VPS53: variants seen among roughly 807,000 people sequenced by gnomAD.
VPS53 encodes VPS53 subunit of GARP complex.
VPS53 carries 70 observed loss-of-function variants against 107.0 expected under a neutral mutation model. That is an observed-to-expected ratio of 0.65 (90% confidence interval 0.54 to 0.80). VPS53 has a LOEUF of 0.80. Among genes scored for constraint, VPS53 ranks in the 30% least tolerant of loss-of-function variants. The probability of loss-of-function intolerance (pLI) is 0.00; values close to 1 mark genes in which losing one functional copy is unlikely to be tolerated. For synonymous variants in VPS53, 409 were observed against 393.3 expected (o/e 1.04, Z -0.47); for missense variants, 917 against 1,049.4 (o/e 0.87, Z 1.74).
rs1353081336 is a variant in VPS53 at position 515,601 on chromosome 17, T to G, written c.*3527A>C. On this transcript the variant is annotated 3_prime_UTR_variant, in exon 22 of 22. Transcript: ENST00000437048. ...CTTGAAGTCCTGGGCTCAAGCAATC[T>G]TCCCACCTCAGCCTCTCAAAGCACT... is the stretch of plus-strand genomic sequence containing the variant. 6.6e-6 allele frequency: 1 copy of G among 152,150 alleles called. No individual in the cohort carries two copies. Among genetic ancestry groups the G allele is most frequent in the East Asian group, 1.9e-4 (1 of 5,178 alleles). The allele number at this position is 152,150 out of a possible 1,614,324, so 9.4% of individuals were successfully genotyped here.
chr17:570,856 G>C (rs973794251), intron 13 of VPS53, among the ~76,000 whole-genome samples: 2 of 152,120 alleles, frequency 1.3e-5, no homozygotes, highest in Non-Finnish European at 2.9e-5. Flanking sequence ...GCTGTACTGT[G>C]GTTATGTGAG....
At position 509,583 on chromosome 17, in the gene VPS53, T is replaced by A. The variant is rs1220580886; in HGVS notation, c.*9545A>T. On this transcript the variant is annotated 3_prime_UTR_variant, in exon 22 of 22. Transcript: ENST00000437048. ...CCTGGCTCACTCCTCACTACTCACA[T>A]ATCGAATCCTGGCTCACCCCTCACT... 1 of 163,828 alleles carries A rather than the reference T, an allele frequency of 6.1e-6. No homozygotes were observed. Among genetic ancestry groups the A allele is most frequent in the Non-Finnish European group, 1.3e-5 (1 of 76,614 alleles). The allele number at this position is 163,828 out of a possible 1,614,324, so 10.1% of individuals were successfully genotyped here. A position where few individuals can be genotyped will look rare whatever the true frequency, so the allele number is the denominator to read the frequency against.
At chr17:526,225 G>GAA (rs11417356) in intron 19 of VPS53, among the ~76,000 whole-genome samples, 2 of 148,746 alleles carry the variant, frequency 1.3e-5, no homozygotes, top group African/African-American at 4.9e-5. Flanking sequence ...TTGTTGGTAG[G>GAA]AAAAAAAAAA....
chr17:545,529 T>A (rs564137021), intron 17 of VPS53, among the ~76,000 whole-genome samples: 29 of 152,330 alleles, frequency 1.9e-4, no homozygotes, highest in African/African-American at 6.7e-4. Flanking sequence ...CTACTCTACA[T>A]CTACCAGCTC....
chr17:607,637 T>A (rs1220130995), intron 11 of VPS53, among the ~76,000 whole-genome samples: 1 of 152,192 alleles, frequency 6.6e-6, no homozygotes, highest in Non-Finnish European at 1.5e-5. Context: ...TCAAAGGACA[T>A]ATTTCATGAA....
At chr17:523,011 G>A (rs374790231) in intron 19 of VPS53, 1 of 152,194 alleles carries the variant, frequency 6.6e-6, no homozygotes, top group Non-Finnish European at 1.5e-5. Flanking sequence ...AACGGGGTTA[G>A]AGAAAAGGTG....
At chr17:689,345 T>C (rs1025378155) in intron 4 of VPS53, among the ~76,000 whole-genome samples, 1 of 152,120 alleles carries the variant, frequency 6.6e-6, no homozygotes, top group African/African-American at 2.4e-5. Context: ...GTCCCCAGGC[T>C]GCAGTGTAGA....
intron 17 of VPS53, among the ~76,000 whole-genome samples, chr17:543,809 A>AGGGAGGGAGGGAGGGAGGG (rs1910896828): frequency 1.7e-5 from 1 of 58,994 alleles, no homozygotes; most frequent in Non-Finnish European, 2.9e-5. Flanking sequence ...GGAAGGAAGG[A>AGGGAGGGAGGGAGGGAGGG]AGGAAGGGAG....
intron 10 of VPS53, among the ~76,000 whole-genome samples, chr17:626,959 T>C (rs1969738289): frequency 6.6e-6 from 1 of 152,000 alleles, no homozygotes; most frequent in Non-Finnish European, 1.5e-5. Context: ...AGAGATGGCT[T>C]GAGGCAAGAA....
intron 4 of VPS53, among the ~76,000 whole-genome samples, chr17:672,177 CT>C (rs1567728025): frequency 5.5e-5 from 2 of 36,050 alleles, no homozygotes; most frequent in African/African-American, 3.7e-4. Flanking sequence ...CAATCTCAAT[CT>C]CTCTCTCTCT....
chr17:709,212 A>G (rs919339798), intron 2 of VPS53, among the ~76,000 whole-genome samples: 2 of 126,176 alleles, frequency 1.6e-5, no homozygotes, highest in African/African-American at 5.1e-5. Context: ...CCTGCCTGGT[A>G]TCACGGCGCA....
At chr17:626,765 A>G (rs962969695) in intron 10 of VPS53, among the ~76,000 whole-genome samples, 3 of 152,170 alleles carry the variant, frequency 2.0e-5, no homozygotes, top group African/African-American at 7.2e-5. Context: ...TGTCTGCTAT[A>G]TCATTAAGGT....
chr17:651,533 G>A (rs1006028095), intron 7 of VPS53, among the ~76,000 whole-genome samples: 3 of 152,134 alleles, frequency 2.0e-5, no homozygotes, highest in Non-Finnish European at 2.9e-5. Context: ...CCAAGCTGCA[G>A]TGAGCAGTAA....
chr17:694,848 G>A (rs906999849), intron 4 of VPS53, among the ~76,000 whole-genome samples: 10 of 152,120 alleles, frequency 6.6e-5, no homozygotes, highest in African/African-American at 1.9e-4. Flanking sequence ...GCTCACTGAA[G>A]CTTGTACTAC....
Position 586,184 on chromosome 17 carries a change from C to G in VPS53, c.1313+86G>C. 6 of 1,239,186 alleles carry G rather than the reference C, an allele frequency of 4.8e-6. 1 individual carries two copies. In the South Asian group the frequency reaches 7.4e-5, roughly 15 times the overall value. 76.8% of individuals were successfully genotyped at this position (1,239,186 alleles called of 1,614,324 possible). ...GCATGCCACAACCATCTTTCAGCCC[C>G]GGAAGGAGCTGTGCGCTCCTAAGAC... On this transcript the variant is annotated intron_variant, in intron 13 of 21. Coordinates refer to ENST00000437048, the MANE Select transcript of VPS53 (RefSeq NM_001128159.3).
At chr17:656,737 C>T in intron 5 of VPS53, 1 of 740,932 alleles carries the variant, frequency 1.3e-6, no homozygotes, top group South Asian at 1.5e-5. Flanking sequence ...TGTGTTTTAT[C>T]ATGCCACATT....
intron 7 of VPS53, among the ~76,000 whole-genome samples, chr17:644,660 T>C (rs1479086317): frequency 6.6e-6 from 1 of 151,982 alleles, no homozygotes; most frequent in Non-Finnish European, 1.5e-5. Context: ...CTCGGCTCAC[T>C]GCAGCCTCCA....
intron 12 of VPS53, among the ~76,000 whole-genome samples, chr17:588,121 G>A (rs759624244): frequency 3.3e-5 from 5 of 152,186 alleles, no homozygotes; most frequent in Non-Finnish European, 5.9e-5. Flanking sequence ...TTCAAGACCA[G>A]CATGGCCAAT....
chr17:655,826 G>A lies in VPS53; in HGVS notation c.488+12C>T, dbSNP rs1057523458. On this transcript the variant is annotated intron_variant, in intron 6 of 21. Transcript: ENST00000437048. ...TCCCGTGGCCCCAAAAGAGAAAGTT[G>A]GCATTGCTTACTCGAGGGAGTCGAC... 1 of 1,605,588 alleles carries A rather than the reference G, an allele frequency of 6.2e-7. No individual in the cohort carries two copies.
Sources: gnomAD v4.1 joint callset for allele counts (sites outside exome capture counted in the v4.1 genomes callset) on GRCh38, gnomAD v4.1.1 for gene constraint, MANE v1.5 for transcripts, NCBI Gene and HGNC (gene_info 2026-07-23, HGNC 2026-07-21) for gene names.